Variants in MAPRE2 observed in about 807,000 individuals in gnomAD.
The protein encoded by MAPRE2 is microtubule associated protein RP/EB family member 2.
MAPRE2 carries 13 observed loss-of-function variants against 43.2 expected under a neutral mutation model. That is an observed-to-expected ratio of 0.30 (90% confidence interval 0.20 to 0.48). MAPRE2 has a LOEUF of 0.48. Among genes scored for constraint, MAPRE2 ranks in the 20% least tolerant of loss-of-function variants. MAPRE2 has a pLI of 0.99. For synonymous variants in MAPRE2, 135 were observed against 148.8 expected, an observed-to-expected ratio of 0.91 and a Z score of 0.68; for missense variants, 161 against 400.2, an observed-to-expected ratio of 0.40 and a Z score of 5.10.
At chr18:34,988,177 G>T (rs1415134345) in intron 1 of MAPRE2, among the ~76,000 whole-genome samples, 4 of 152,134 alleles carry the variant, frequency 2.6e-5, no homozygotes, top group Non-Finnish European at 5.9e-5. Context: ...TGGACAAAAG[G>T]AGATCCAGTT....
intron 6 of MAPRE2, among the ~76,000 whole-genome samples, chr18:35,134,295 C>T (rs1483026430): frequency 6.6e-6 from 1 of 152,186 alleles, no homozygotes; most frequent in East Asian, 1.9e-4. Flanking sequence ...TCTCCCTTCT[C>T]CAAGTCTGAG....
At chr18:35,038,411 T>C (rs752028155), upstream of MAPRE2, among the ~76,000 whole-genome samples, 1 of 152,226 alleles carries the variant, frequency 6.6e-6, no homozygotes, top group African/African-American at 2.4e-5. Context: ...ACACCTTGCT[T>C]GGTGTTGGGG....
intron 2 of MAPRE2, among the ~76,000 whole-genome samples, chr18:35,081,233 T>C (rs780824092): frequency 1.9e-4 from 29 of 152,220 alleles, no homozygotes; most frequent in Non-Finnish European, 7.3e-5. Context: ...ATTCCATTCT[T>C]TTATTTCTAC....
intron 6 of MAPRE2, among the ~76,000 whole-genome samples, chr18:35,134,281 A>G (rs1910290617): frequency 1.3e-5 from 2 of 152,214 alleles, no homozygotes; most frequent in African/African-American, 4.8e-5. Flanking sequence ...TCCTGAGTTT[A>G]TGTTCTCCCT....
chr18:35,119,549 G>A (rs1417026019), intron 4 of MAPRE2, among the ~76,000 whole-genome samples: 1 of 152,132 alleles, frequency 6.6e-6, no homozygotes, highest in Admixed American at 6.6e-5. Context: ...GTACATAATA[G>A]GGTTATGGCT....
rs72952269 is a variant in MAPRE2, at chr18:35,046,212, G to A, written c.122+4551G>A. Among the ~76,000 whole-genome samples, 1,156 of 152,318 alleles carry A rather than the reference G, an allele frequency of 7.6e-3. 7 individuals are homozygous for A. The highest frequency in any genetic ancestry group is 0.011 in the Non-Finnish European group (757 of 68,012). ...GAATTAATTAATTTTACAAATATTT[G>A]AAAGTCTGCTCTGGCCAAGGTCTGT... is the stretch of plus-strand genomic sequence containing the variant. On this transcript the variant is annotated intron_variant, in intron 1 of 6. Coordinates refer to ENST00000300249, the MANE Select transcript of MAPRE2 (RefSeq NM_014268.4).
chr18:35,080,907 C>A (rs1408979274), intron 2 of MAPRE2, among the ~76,000 whole-genome samples: 1 of 152,028 alleles, frequency 6.6e-6, no homozygotes, highest in Non-Finnish European at 1.5e-5. Flanking sequence ...TGTGTTCTTA[C>A]CCAAATATTA....
chr18:35,009,183 T>C (rs978820294), intron 2 of MAPRE2, among the ~76,000 whole-genome samples: 4 of 151,952 alleles, frequency 2.6e-5, no homozygotes, highest in South Asian at 2.1e-4. Context: ...TACAGTATAA[T>C]GGGAGTTTGG....
chr18:35,067,813 T>C (rs1386457379), intron 1 of MAPRE2, among the ~76,000 whole-genome samples: 1 of 152,254 alleles, frequency 6.6e-6, no homozygotes, highest in African/African-American at 2.4e-5. Flanking sequence ...TTACTAAGAT[T>C]ATACATAATT....
At chr18:34,986,042 A>C (rs2097020829) in intron 1 of MAPRE2, among the ~76,000 whole-genome samples, 1 of 152,054 alleles carries the variant, frequency 6.6e-6, no homozygotes, top group African/African-American at 2.4e-5. Flanking sequence ...GTCCCAACTT[A>C]TTATAAACAT....
At chr18:35,094,899 A>G (rs1388440256) in intron 2 of MAPRE2, among the ~76,000 whole-genome samples, 2 of 152,304 alleles carry the variant, frequency 1.3e-5, no homozygotes, top group East Asian at 3.9e-4. Flanking sequence ...GGATTCAAAC[A>G]CAGAGCCTAG....
intron 2 of MAPRE2, among the ~76,000 whole-genome samples, chr18:35,096,181 G>A (rs576322482): frequency 2.6e-5 from 4 of 152,172 alleles, no homozygotes; most frequent in African/African-American, 9.6e-5. Flanking sequence ...CAAGTAGAAG[G>A]ACTGGCTCTT....
At position 35,140,452 on chromosome 18, in the gene MAPRE2, A is replaced by C; in HGVS notation, c.*83A>C. The C allele has an allele frequency of 1.5e-6, 2 of 1,317,378 alleles. No homozygotes were observed. The highest frequency in any genetic ancestry group is 2.6e-5 in the South Asian group (2 of 76,188). 81.6% of individuals were successfully genotyped at this position (1,317,378 alleles called of 1,614,324 possible). ...TTGGAACATGTGTGGCCCCAAGCTC[A>C]ACAGAAACCAGTTGTTCCCAATCTG... On this transcript the variant is annotated 3_prime_UTR_variant, in exon 7 of 7. Transcript: ENST00000300249.
At chr18:35,066,247 C>T (rs111643682) in intron 1 of MAPRE2, among the ~76,000 whole-genome samples, 1 of 152,144 alleles carries the variant, frequency 6.6e-6, no homozygotes, top group Admixed American at 6.5e-5. Flanking sequence ...GACTAGCAGT[C>T]GTGAATTGAA....
At chr18:35,038,529 T>A (rs1327990483), upstream of MAPRE2, among the ~76,000 whole-genome samples, 1 of 152,230 alleles carries the variant, frequency 6.6e-6, no homozygotes, top group Non-Finnish European at 1.5e-5. Flanking sequence ...GTCTCCCTTC[T>A]GGGATTTGAG....
intron 2 of MAPRE2, among the ~76,000 whole-genome samples, chr18:35,027,336 C>T (rs1260010128): frequency 6.6e-6 from 1 of 152,194 alleles, no homozygotes; most frequent in Non-Finnish European, 1.5e-5. Context: ...GGTTTTAAAA[C>T]TGCCATGCCC....
intron 1 of MAPRE2, among the ~76,000 whole-genome samples, chr18:34,985,305 T>TATAATATATTATATA (rs2097019344): frequency 5.0e-5 from 1 of 19,880 alleles, no homozygotes; most frequent in African/African-American, 2.2e-4. Context: ...TTATATATTG[T>TATAATATATTATATA]ATATATTATA....
chr18:34,988,638 G>A (rs982977987), intron 1 of MAPRE2: 1 of 134,024 alleles, frequency 7.5e-6, no homozygotes, highest in Non-Finnish European at 1.7e-5. Context: ...CAACATGCCT[G>A]ATTTTGAAGA....
intron 4 of MAPRE2, among the ~76,000 whole-genome samples, chr18:35,104,866 A>T (rs995043379): frequency 6.6e-6 from 1 of 152,108 alleles, no homozygotes; most frequent in South Asian, 2.1e-4. Flanking sequence ...GGTGTCTGAT[A>T]TTTCTCATCT....
Sources: gnomAD v4.1 joint callset for allele counts (sites outside exome capture counted in the v4.1 genomes callset) on GRCh38, gnomAD v4.1.1 for gene constraint, MANE v1.5 for transcripts, NCBI Gene and HGNC (gene_info 2026-07-23, HGNC 2026-07-21) for gene names.